FAXC: variants seen among roughly 807,000 people sequenced by gnomAD.
The protein encoded by FAXC is failed axon connections homolog.
In FAXC, 10 loss-of-function variants were observed where a neutral mutation model predicts 41.9. The observed-to-expected ratio is 0.24, with a 90% CI of 0.15 to 0.41. FAXC has a LOEUF of 0.41. Ranked by LOEUF, FAXC falls within the 10% of genes least tolerant of loss-of-function variation. FAXC has a pLI of 1.00. For missense variants in FAXC, 399 were observed against 510.9 expected, an observed-to-expected ratio of 0.78 and a Z score of 2.11; for synonymous variants, 183 against 183.8, an observed-to-expected ratio of 1.00 and a Z score of 0.03.
rs1770686589 is a variant in FAXC at position 99,277,816 on chromosome 6, A to G, written c.*3348T>C. ...AAGGGCAACGTGGTGTAATGGAAAGAACCATATTGACCTCAGTTTTTGGTC... is the reference window on the plus strand; with the variant it reads ...AAGGGCAACGTGGTGTAATGGAAAGGACCATATTGACCTCAGTTTTTGGTC... On this transcript the variant is annotated 3_prime_UTR_variant, in exon 6 of 6. Coordinates refer to ENST00000389677, the MANE Select transcript of FAXC (RefSeq NM_032511.4). 6.6e-6 allele frequency: 1 copy of G among 152,324 alleles called. No individual in the cohort carries two copies. Among genetic ancestry groups the G allele is most frequent in the African/African-American group, 2.4e-5 (1 of 41,564 alleles). 9.4% of individuals were successfully genotyped at this position (152,324 alleles called of 1,614,324 possible).
intron 3 of FAXC, among the ~76,000 whole-genome samples, chr6:99,331,234 A>C (rs1190200546): frequency 6.6e-6 from 1 of 152,186 alleles, no homozygotes. Flanking sequence ...AACATTTTTC[A>C]AATTAAAAAG....
At chr6:99,332,813 C>T (rs1773077410) in intron 3 of FAXC, among the ~76,000 whole-genome samples, 1 of 152,236 alleles carries the variant, frequency 6.6e-6, no homozygotes. Flanking sequence ...TATTTTAATT[C>T]AACAGTTTAT....
chr6:99,312,613 C>T (rs625620), intron 4 of FAXC, among the ~76,000 whole-genome samples: 133,098 of 152,128 alleles, frequency 0.87, 58,720 homozygotes, highest in East Asian at 1. Flanking sequence ...TGAGAGCAAG[C>T]GCCTACAGCA....
At chr6:99,281,719 A>C (rs528994121) in intron 5 of FAXC, among the ~76,000 whole-genome samples, 13 of 152,334 alleles carry the variant, frequency 8.5e-5, no homozygotes, top group African/African-American at 2.9e-4. Flanking sequence ...TCCAGGAAGC[A>C]GGAAGTGGTC....
At chr6:99,282,604 T>G (rs1770881354) in intron 5 of FAXC, among the ~76,000 whole-genome samples, 1 of 152,184 alleles carries the variant, frequency 6.6e-6, no homozygotes, top group Non-Finnish European at 1.5e-5. Flanking sequence ...TACCTGGCCT[T>G]CATTTCCTAA....
intron 4 of FAXC, among the ~76,000 whole-genome samples, chr6:99,310,635 G>C (rs1772117897): frequency 6.6e-6 from 1 of 152,196 alleles, no homozygotes. Flanking sequence ...CAATGTCTAT[G>C]GTTTTTTTCT....
At chr6:99,319,714 T>TA (rs1239598701) in intron 4 of FAXC, among the ~76,000 whole-genome samples, 2 of 152,178 alleles carry the variant, frequency 1.3e-5, no homozygotes, top group Admixed American at 6.5e-5. Context: ...CTCCATTTTC[T>TA]AAAAAAATGT....
rs1427117562 is a variant in FAXC, at chr6:99,280,299, T to A, written c.*865A>T. The stretch of plus-strand genomic sequence containing the variant: ...ACAAAGTCCTAAGTGTACCTTTGTG[T>A]GTATTTCATCTGCTCAGCTTTTGCA... On this transcript the variant is annotated 3_prime_UTR_variant, in exon 6 of 6. Transcript: ENST00000389677. 2 of 152,272 alleles carry A rather than the reference T, an allele frequency of 1.3e-5. No homozygotes were observed. Among genetic ancestry groups the A allele is most frequent in the Non-Finnish European group, 2.9e-5 (2 of 68,044 alleles). 9.4% of individuals were successfully genotyped at this position (152,272 alleles called of 1,614,324 possible).
intron 4 of FAXC, among the ~76,000 whole-genome samples, chr6:99,306,748 C>T (rs1246807239): frequency 1.3e-5 from 2 of 152,202 alleles, no homozygotes; most frequent in Non-Finnish European, 2.9e-5. Flanking sequence ...CATTTACAAG[C>T]TTGGTGTCCC....
In FAXC at chr6:99,291,682, TGAA is replaced by T. The variant is rs1771247319; in HGVS notation, c.940+19_940+21del. 1.3e-6 allele frequency: 2 copies of T among 1,533,950 alleles called. No individual in the cohort carries two copies. The highest frequency in any genetic ancestry group is 2.2e-5 in the South Asian group (2 of 89,586). ...CCCAGCCCCAGTAAGCCCCAAAACCTGAAGAAGAGTGTAGGGCTTGCCTTTGAT... is the reference window on the plus strand; with the variant it reads ...CCCAGCCCCAGTAAGCCCCAAAACCTGAAGAGTGTAGGGCTTGCCTTTGAT... On this transcript the variant is annotated intron_variant, in intron 5 of 5. Coordinates refer to ENST00000389677, the MANE Select transcript of FAXC (RefSeq NM_032511.4).
At chr6:99,327,525 A>G (rs1322217906) in intron 3 of FAXC, among the ~76,000 whole-genome samples, 1 of 152,050 alleles carries the variant, frequency 6.6e-6, no homozygotes, top group Non-Finnish European at 1.5e-5. Context: ...ACTTCCCCTT[A>G]GCTTACACCT....
intron 1 of FAXC, among the ~76,000 whole-genome samples, chr6:99,346,323 C>G (rs1288146914): frequency 6.6e-6 from 1 of 152,178 alleles, no homozygotes; most frequent in African/African-American, 2.4e-5. Context: ...GGTCTGTCTT[C>G]CCTGAGCAAT....
intron 4 of FAXC, among the ~76,000 whole-genome samples, chr6:99,301,970 T>C (rs1771729130): frequency 6.6e-6 from 1 of 152,202 alleles, no homozygotes; most frequent in African/African-American, 2.4e-5. Context: ...GCAACAGACA[T>C]GTATTATCTT....
intron 5 of FAXC, among the ~76,000 whole-genome samples, chr6:99,288,859 TAC>T (rs55895848): frequency 8.2e-5 from 12 of 145,726 alleles, no homozygotes; most frequent in East Asian, 4.1e-4. Flanking sequence ...CACACACACA[TAC>T]ACACACACAC....
chr6:99,342,110 C>A (rs1041748530), intron 2 of FAXC, among the ~76,000 whole-genome samples: 5 of 152,204 alleles, frequency 3.3e-5, no homozygotes, highest in Non-Finnish European at 2.9e-5. Flanking sequence ...CTAAAATGAA[C>A]AAGTGTTTCC....
rs538856661 is a variant in FAXC at position 99,340,964 on chromosome 6, C to T, written c.402+1934G>A. ...GATTACAAGCGTGAGCCACCGTGCC[C>T]GGCCAAAAAATTCCAGAATTAAAAT... On this transcript the variant is annotated intron_variant, in intron 2 of 5. Coordinates refer to ENST00000389677, the MANE Select transcript of FAXC (RefSeq NM_032511.4). Among the ~76,000 whole-genome samples, 51 of 152,024 alleles carry T rather than the reference C, an allele frequency of 3.4e-4. No homozygotes were observed. The East Asian group carries it at 7.0e-3, about 21-fold the overall frequency.
intron 4 of FAXC, among the ~76,000 whole-genome samples, chr6:99,300,479 G>A (rs1345634875): frequency 6.6e-6 from 1 of 152,202 alleles, no homozygotes; most frequent in East Asian, 1.9e-4. Context: ...AAAGATATCA[G>A]TTTTACCAAC....
Position 99,323,447 on chromosome 6 carries a change from A to G in FAXC, c.820T>C (p.Leu274=). Residue 274 remains leucine, a synonymous_variant, in exon 4 of 6, where the codon TTG becomes CTG. Transcript: ENST00000389677. ...AATAGAAGGTGTGGTACATTACCCAAAAGCCCTGCTAAAGACCGCATGTCC... is the reference window on the plus strand; with the variant it reads ...AATAGAAGGTGTGGTACATTACCCAGAAGCCCTGCTAAAGACCGCATGTCC... ...EKDMRSLAGL[L]GDKKYIMGPK... 5 of 1,613,894 alleles carry G rather than the reference A, an allele frequency of 3.1e-6. No homozygotes were observed. The highest frequency in any genetic ancestry group is 4.2e-6 in the Non-Finnish European group (5 of 1,179,800).
At chr6:99,328,453 T>G (rs1412881987) in intron 3 of FAXC, among the ~76,000 whole-genome samples, 1 of 152,224 alleles carries the variant, frequency 6.6e-6, no homozygotes, top group Non-Finnish European at 1.5e-5. Context: ...CCACTGATGC[T>G]TTGATCATGG....
Sources: gnomAD v4.1 joint callset for allele counts (sites outside exome capture counted in the v4.1 genomes callset) on GRCh38, gnomAD v4.1.1 for gene constraint, MANE v1.5 for transcripts, NCBI Gene and HGNC (gene_info 2026-07-23, HGNC 2026-07-21) for gene names.